CNTLN: variants seen among roughly 807,000 people sequenced by gnomAD.
The protein encoded by CNTLN is centlein, centrosomal protein.
In CNTLN, 212 loss-of-function variants were observed where a neutral mutation model predicts 180.0. The ratio of observed to expected loss-of-function variants is 1.18; its 90% confidence interval spans 1.05 to 1.32. The LOEUF (loss-of-function observed/expected upper bound fraction) is 1.32, where lower values mean the gene tolerates loss of function less well. Among genes scored for constraint, CNTLN ranks in the 40% most tolerant of loss-of-function variants. CNTLN has a pLI of 0.00. For missense variants in CNTLN, 2,095 were observed against 1,610.9 expected (o/e 1.30, Z -5.14); for synonymous variants, 722 against 563.1 (o/e 1.28, Z -3.99).
intron 1 of CNTLN, among the ~76,000 whole-genome samples, chr9:17,142,530 G>A (rs997027014): frequency 6.6e-6 from 1 of 152,276 alleles, no homozygotes; most frequent in Non-Finnish European, 1.5e-5. Flanking sequence ...AGTTGGAGAT[G>A]TAAGTCTGGA....
intron 5 of CNTLN, among the ~76,000 whole-genome samples, chr9:17,263,818 T>C (rs1379423935): frequency 6.9e-6 from 1 of 144,268 alleles, no homozygotes; most frequent in Non-Finnish European, 1.5e-5. Flanking sequence ...TTTTCATGTG[T>C]TTCTTGGCTG....
chr9:17,469,399 C>T (rs1327972830), intron 23 of CNTLN, among the ~76,000 whole-genome samples: 11 of 151,814 alleles, frequency 7.2e-5, no homozygotes, highest in East Asian at 1.9e-4. Flanking sequence ...TATAGGGCCA[C>T]CAGCAAATTA....
chr9:17,477,410 T>C (rs1225818161), intron 23 of CNTLN, among the ~76,000 whole-genome samples: 6 of 152,198 alleles, frequency 3.9e-5, no homozygotes, highest in Non-Finnish European at 8.8e-5. Flanking sequence ...CTTCTGTAGA[T>C]AGTGATTCCT....
At chr9:17,299,419 T>C (rs1262524336) in intron 7 of CNTLN, 1 of 966,768 alleles carries the variant, frequency 1.0e-6, no homozygotes, top group Non-Finnish European at 1.2e-6. Flanking sequence ...ATTATCCCTC[T>C]AGAATTACTG....
chr9:17,399,230 CAT>C (rs1428511412), intron 15 of CNTLN, among the ~76,000 whole-genome samples: 3 of 152,190 alleles, frequency 2.0e-5, no homozygotes, highest in Non-Finnish European at 2.9e-5. Context: ...GTGTGATACA[CAT>C]GTTAATATAC....
downstream of CNTLN, among the ~76,000 whole-genome samples, chr9:17,505,717 A>C (rs2134443205): frequency 6.6e-6 from 1 of 152,270 alleles, no homozygotes; most frequent in Non-Finnish European, 1.5e-5. Context: ...AAATTTATAT[A>C]GAGATTTAAC....
At chr9:17,338,851 A>G (rs1054913110) in intron 10 of CNTLN, among the ~76,000 whole-genome samples, 9 of 152,202 alleles carry the variant, frequency 5.9e-5, no homozygotes, top group African/African-American at 1.9e-4. Flanking sequence ...AGTAAAATTT[A>G]GTTAACTTTG....
chr9:17,362,337 G>T (rs983402963), intron 12 of CNTLN, among the ~76,000 whole-genome samples: 18 of 152,006 alleles, frequency 1.2e-4, no homozygotes, highest in Non-Finnish European at 1.9e-4. Context: ...TCATTGTGTG[G>T]TTGAGTGTAT....
At chr9:17,363,473 G>GGCT (rs1823566783) in intron 12 of CNTLN, among the ~76,000 whole-genome samples, 1 of 151,376 alleles carries the variant, frequency 6.6e-6, no homozygotes, top group Non-Finnish European at 1.5e-5. Flanking sequence ...TTTTAAAAAT[G>GGCT]ACTTTCTTGC....
At chr9:17,154,936 T>C (rs988357606) in intron 2 of CNTLN, among the ~76,000 whole-genome samples, 1 of 152,180 alleles carries the variant, frequency 6.6e-6, no homozygotes, top group Non-Finnish European at 1.5e-5. Context: ...GCTCACTCTT[T>C]GGGTCCGCAC....
At position 17,503,790 on chromosome 9, in the gene CNTLN, C is replaced by G. The variant is rs146851853; in HGVS notation, c.*1138C>G. 1.3e-3 allele frequency: 192 copies of G among 152,584 alleles called. 1 individual carries two copies. Among genetic ancestry groups the G allele is most frequent in the African/African-American group, 4.5e-3 (186 of 41,496 alleles). 9.5% of individuals were successfully genotyped at this position (152,584 alleles called of 1,614,324 possible). ...TGGCCTGCCACCTGTTTTGTATGGC[C>G]CACAAGCTAAGAATGGTTTTTGCCT... On this transcript the variant is annotated 3_prime_UTR_variant, in exon 26 of 26. Transcript: ENST00000380647.
chr9:17,476,434 C>T (rs1041444289), intron 23 of CNTLN, among the ~76,000 whole-genome samples: 1 of 152,088 alleles, frequency 6.6e-6, no homozygotes, highest in Admixed American at 6.6e-5. Flanking sequence ...GCTAGAAAAA[C>T]TTAGTGAGGA....
At chr9:17,337,778 A>G (rs1184340770) in intron 10 of CNTLN, among the ~76,000 whole-genome samples, 1 of 152,216 alleles carries the variant, frequency 6.6e-6, no homozygotes, top group African/African-American at 2.4e-5. Flanking sequence ...AGTTTGTTCC[A>G]TGAATTTAAC....
At chr9:17,254,993 C>G (rs1416254536) in intron 5 of CNTLN, among the ~76,000 whole-genome samples, 1 of 151,706 alleles carries the variant, frequency 6.6e-6, no homozygotes, top group Non-Finnish European at 1.5e-5. Context: ...GTGTACAAGT[C>G]TTTCACCCCC....
At chr9:17,495,849 C>A (rs1193032135) in intron 25 of CNTLN, among the ~76,000 whole-genome samples, 1 of 152,084 alleles carries the variant, frequency 6.6e-6, no homozygotes, top group Non-Finnish European at 1.5e-5. Flanking sequence ...TTTTACTACG[C>A]CTTTCCTATG....
chr9:17,197,914 A>G (rs1822240162), intron 2 of CNTLN, among the ~76,000 whole-genome samples: 1 of 152,176 alleles, frequency 6.6e-6, no homozygotes, highest in African/African-American at 2.4e-5. Flanking sequence ...ATTTTTGAGT[A>G]TGGTGAGAAA....
At chr9:17,304,006 C>A (rs1273335065) in intron 7 of CNTLN, among the ~76,000 whole-genome samples, 1 of 152,078 alleles carries the variant, frequency 6.6e-6, no homozygotes, top group East Asian at 1.9e-4. Flanking sequence ...ACCCCTTTTT[C>A]TTGCCCTTAC....
rs1338482954 is a variant in CNTLN, at chr9:17,332,489, T to G, written c.1519-116T>G. On this transcript the variant is annotated intron_variant, in intron 9 of 25. Coordinates refer to ENST00000380647, the MANE Select transcript of CNTLN (RefSeq NM_017738.4). ...TTTCTCTGGTATTCCATGCAGGATTTTTTTTTTTTTTATAATTCATTATTA... is the reference window on the plus strand; with the variant it reads ...TTTCTCTGGTATTCCATGCAGGATTGTTTTTTTTTTTATAATTCATTATTA... 54 of 334,182 alleles carry G rather than the reference T, an allele frequency of 1.6e-4. 2 individuals are homozygous for G. Among genetic ancestry groups the G allele is most frequent in the South Asian group, 1.3e-3 (40 of 30,540 alleles). 20.7% of individuals were successfully genotyped at this position (334,182 alleles called of 1,614,324 possible). A position where few individuals can be genotyped will look rare whatever the true frequency, so the allele number is the denominator to read the frequency against.
chr9:17,186,445 T>C (rs1264267966), intron 2 of CNTLN, among the ~76,000 whole-genome samples: 1 of 152,220 alleles, frequency 6.6e-6, no homozygotes, highest in Non-Finnish European at 1.5e-5. Context: ...ATTGAGGACA[T>C]TTGTTAACTC....
Sources: gnomAD v4.1 joint callset for allele counts (sites outside exome capture counted in the v4.1 genomes callset) on GRCh38, gnomAD v4.1.1 for gene constraint, MANE v1.5 for transcripts, NCBI Gene and HGNC (gene_info 2026-07-23, HGNC 2026-07-21) for gene names.